Variants in ZNF362 observed in about 807,000 individuals in gnomAD.
ZNF362 encodes the protein rotund homolog.
Under a neutral mutation model 42.9 loss-of-function variants are expected in ZNF362, and 11 were observed. The observed-to-expected ratio is 0.26, with a 90% CI of 0.16 to 0.42. The LOEUF (loss-of-function observed/expected upper bound fraction) is 0.42. Ranked by LOEUF, ZNF362 falls within the 20% of genes least tolerant of loss-of-function variation. The pLI, the probability that ZNF362 is intolerant of heterozygous loss-of-function variation, is 1.00. For synonymous variants in ZNF362, 255 were observed against 257.3 expected (o/e 0.99, Z 0.09); for missense variants, 362 against 576.2 (o/e 0.63, Z 3.81).
At chr1:33,230,033 A>AT in the ZNF362 span, among the ~76,000 whole-genome samples, 17 of 152,044 alleles carry the variant, frequency 1.1e-4, no homozygotes, top group Admixed American at 4.6e-4. Context: ...CAAAAGCTGG[A>AT]TTTTTTTGTT....
the ZNF362 span, chr1:33,164,197 T>C: frequency 6.6e-6 from 1 of 152,262 alleles, no homozygotes; most frequent in Non-Finnish European, 1.5e-5. Context: ...TCTGGAATGT[T>C]CTGTGAAGAA....
intron 1 of ZNF362, among the ~76,000 whole-genome samples, chr1:33,258,508 C>T (rs534998945): frequency 3.9e-5 from 6 of 152,224 alleles, no homozygotes; most frequent in African/African-American, 1.4e-4. Context: ...GGTACCAAGC[C>T]AGGTGGTTTT....
At chr1:33,214,229 A>G in the ZNF362 span, among the ~76,000 whole-genome samples, 2 of 152,240 alleles carry the variant, frequency 1.3e-5, no homozygotes, top group Admixed American at 1.3e-4. Flanking sequence ...AAAGGTGCTA[A>G]GAACATTCAC....
chr1:33,227,558 C>T, the ZNF362 span, among the ~76,000 whole-genome samples: 1 of 152,184 alleles, frequency 6.6e-6, no homozygotes, highest in African/African-American at 2.4e-5. Flanking sequence ...ACTCCAGTCC[C>T]CAGCCACTGG....
chr1:33,189,685 G>GTGTA, the ZNF362 span, among the ~76,000 whole-genome samples: 10 of 10,962 alleles, frequency 9.1e-4, no homozygotes, highest in Non-Finnish European at 1.5e-3. Context: ...ATATATATAC[G>GTGTA]TATATATATA....
At chr1:33,164,462 G>A in the ZNF362 span, 2 of 152,378 alleles carry the variant, frequency 1.3e-5, no homozygotes, top group East Asian at 3.8e-4. Flanking sequence ...GACTGAGCCT[G>A]GCAGTCCCCA....
At position 33,290,908 on chromosome 1, in the gene ZNF362, GTTGT is replaced by G. The variant is rs567177725; in HGVS notation, c.909-4022_909-4019del. Among the ~76,000 whole-genome samples the G allele has an allele frequency of 3.6e-3, 549 of 152,256 alleles. 4 individuals are homozygous for G. Among genetic ancestry groups the G allele is most frequent in the African/African-American group, 0.012 (515 of 41,534 alleles). ...TATCCTTTGCCCACTTGTTGATGGG[GTTGT>G]TTGTTTTTTTCTTGTAAATTTGTTT... On this transcript the variant is annotated intron_variant, in intron 6 of 8. Transcript: ENST00000539719.
the ZNF362 span, among the ~76,000 whole-genome samples, chr1:33,192,621 G>A: frequency 6.6e-6 from 1 of 152,148 alleles, no homozygotes; most frequent in Non-Finnish European, 1.5e-5. Flanking sequence ...TGCAAAACAT[G>A]ACTCAGAAAT....
At chr1:33,143,985 G>C in the ZNF362 span, among the ~76,000 whole-genome samples, 1 of 152,212 alleles carries the variant, frequency 6.6e-6, no homozygotes, top group Non-Finnish European at 1.5e-5. Flanking sequence ...GAGTCACTAC[G>C]TTCCTTAAAA....
At chr1:33,298,885 C>G (rs774194821) in intron 8 of ZNF362, 45 bp from the exon 9 acceptor site, 76 of 1,546,640 alleles carry the variant, frequency 4.9e-5, no homozygotes, top group Non-Finnish European at 4.3e-5. Context: ...TCTTCTCCCT[C>G]CCTTGCTGGT....
chr1:33,297,883 T>A (rs1646136735), intron 8 of ZNF362, among the ~76,000 whole-genome samples: 1 of 152,216 alleles, frequency 6.6e-6, no homozygotes, highest in South Asian at 2.1e-4. Context: ...GATCTTTTAA[T>A]CTCTAGGTCC....
intron 4 of ZNF362, among the ~76,000 whole-genome samples, chr1:33,277,861 C>T (rs995832770): frequency 2.0e-5 from 3 of 152,098 alleles, no homozygotes; most frequent in East Asian, 1.9e-4. Context: ...CTGGAGCCAC[C>T]GGAGGCCTCC....
the ZNF362 span, among the ~76,000 whole-genome samples, chr1:33,177,129 A>G: frequency 6.6e-6 from 1 of 151,884 alleles, no homozygotes; most frequent in Admixed American, 6.5e-5. This position sits in a 1 kb window ranked among gnomAD's most constrained non-coding sequence, Gnocchi z 4.1. Flanking sequence ...GTACGCATGC[A>G]CACACACGCA....
chr1:33,280,032 T>C lies in ZNF362; in HGVS notation c.350-92T>C. 7.0e-7 allele frequency: 1 copy of C among 1,438,354 alleles called. No homozygotes were observed. The highest frequency in any genetic ancestry group is 1.4e-5 in the South Asian group (1 of 70,340). The allele number at this position is 1,438,354 out of a possible 1,614,324, so 89.1% of individuals were successfully genotyped here. On this transcript the variant is annotated intron_variant, in intron 4 of 8. Transcript: ENST00000539719. The surrounding 1 kb of genome is among the most constrained non-coding windows in gnomAD (Gnocchi z 5.6). The stretch of plus-strand genomic sequence containing the variant: ...TAATAACTTATGAACGTTAAGGGGA[T>C]GCTCGCCTGCCAAAATCACATAGCT...
At position 33,281,512 on chromosome 1, in the gene ZNF362, T is replaced by C. The variant is rs1044981144; in HGVS notation, c.684-75T>C. The C allele has an allele frequency of 1.4e-6, 2 of 1,447,114 alleles. No individual in the cohort carries two copies. The highest frequency in any genetic ancestry group is 2.8e-5 in the African/African-American group (2 of 71,702). The allele number at this position is 1,447,114 out of a possible 1,614,324, so 89.6% of individuals were successfully genotyped here. ...AGACCTGTCCCAGGTGCAAGGTCTC[T>C]CTGATGTAGAAGGCCTCCCCTGAGA... On this transcript the variant is annotated intron_variant, in intron 5 of 8. Transcript: ENST00000539719. The surrounding 1 kb of genome is among the most constrained non-coding windows in gnomAD (Gnocchi z 4.8).
chr1:33,274,341 A>G (rs1323587750), intron 2 of ZNF362, among the ~76,000 whole-genome samples: 1 of 152,220 alleles, frequency 6.6e-6, no homozygotes. Flanking sequence ...TGATAAGAGT[A>G]CCTACCTGCC....
chr1:33,239,698 G>T, the ZNF362 span, among the ~76,000 whole-genome samples: 1 of 152,114 alleles, frequency 6.6e-6, no homozygotes, highest in Admixed American at 6.5e-5. Flanking sequence ...AGAACAGCAT[G>T]GGGGAACCGC....
At chr1:33,221,846 A>T in the ZNF362 span, among the ~76,000 whole-genome samples, 3 of 152,162 alleles carry the variant, frequency 2.0e-5, no homozygotes, top group Non-Finnish European at 2.9e-5. Flanking sequence ...GATGCAGTGG[A>T]TGGGCAGTAG....
chr1:33,172,281 G>C, the ZNF362 span, among the ~76,000 whole-genome samples: 1 of 152,204 alleles, frequency 6.6e-6, no homozygotes, highest in African/African-American at 2.4e-5. Flanking sequence ...CTGATGGAAG[G>C]ACAAAGGAAG....
Sources: allele counts gnomAD v4.1 joint callset (sites outside exome capture counted in the v4.1 genomes callset), GRCh38; gene constraint gnomAD v4.1.1; non-coding constraint Gnocchi (gnomAD v3.1); transcripts MANE v1.5; gene names NCBI Gene and HGNC (gene_info 2026-07-23, HGNC 2026-07-21).